CNTNAP2: variants seen among roughly 807,000 people sequenced by gnomAD.
The protein encoded by CNTNAP2 is contactin associated protein 2.
In CNTNAP2, 98 loss-of-function variants were observed where a neutral mutation model predicts 155.2. The observed-to-expected ratio is 0.63, with a 90% CI of 0.54 to 0.75. The LOEUF is 0.75. CNTNAP2 is among the 30% of genes least tolerant of loss of function. The probability of loss-of-function intolerance (pLI) is 0.00; values close to 1 mark genes in which losing one functional copy is unlikely to be tolerated. For synonymous variants in CNTNAP2, 651 were observed against 631.2 expected, an observed-to-expected ratio of 1.03 and a Z score of -0.47; for missense variants, 1,727 against 1,688.1, an observed-to-expected ratio of 1.02 and a Z score of -0.40.
chr7:147,545,842 ACC>A (rs1201558319), intron 11 of CNTNAP2, among the ~76,000 whole-genome samples: 1 of 152,156 alleles, frequency 6.6e-6, no homozygotes, highest in Non-Finnish European at 1.5e-5. Context: ...TTGTAGAGGG[ACC>A]CAGTGGGAAA....
At chr7:147,414,165 C>G (rs1210740977) in intron 10 of CNTNAP2, among the ~76,000 whole-genome samples, 1 of 152,118 alleles carries the variant, frequency 6.6e-6, no homozygotes, top group South Asian at 2.1e-4. Context: ...TGGCTCACAC[C>G]TGTAATCCCA....
chr7:146,628,273 T>C (rs187374997), intron 1 of CNTNAP2, among the ~76,000 whole-genome samples: 7 of 152,244 alleles, frequency 4.6e-5, no homozygotes, highest in Admixed American at 3.3e-4. Flanking sequence ...AGTATCAGAT[T>C]GTCCCAACAA....
intron 13 of CNTNAP2, among the ~76,000 whole-genome samples, chr7:147,642,571 A>AT (rs1387055828): frequency 6.6e-6 from 1 of 152,090 alleles, no homozygotes; most frequent in Non-Finnish European, 1.5e-5. Flanking sequence ...ATCAGGAAAA[A>AT]TGGGATAAAC....
chr7:146,651,395 C>T (rs1301556985), intron 1 of CNTNAP2, among the ~76,000 whole-genome samples: 2 of 152,066 alleles, frequency 1.3e-5, no homozygotes, highest in African/African-American at 4.8e-5. Flanking sequence ...ATTAGGACAA[C>T]CTAACTAAAA....
intron 1 of CNTNAP2, among the ~76,000 whole-genome samples, chr7:146,446,063 A>C (rs898727538): frequency 6.6e-6 from 1 of 152,174 alleles, no homozygotes; most frequent in Non-Finnish European, 1.5e-5. Flanking sequence ...AGAACCGTAG[A>C]TCATTCTTAC....
rs539456305 is a variant in CNTNAP2 at position 147,864,995 on chromosome 7, G to T, written c.2099-38570G>T. Among the ~76,000 whole-genome samples the T allele has an allele frequency of 6.6e-5, 10 of 152,260 alleles. No individual in the cohort carries two copies. The South Asian group carries it at 2.1e-3, about 32-fold the overall frequency. On this transcript the variant is annotated intron_variant, in intron 13 of 23. Transcript: ENST00000361727. ...AGGAGTGATGAGAGAAGACATCCTT[G>T]TCTTGTGCCAGTTTTCAAAGGGAAT...
Position 146,953,177 on chromosome 7 carries a change from T to C in CNTNAP2, c.403-90730T>C, listed in dbSNP as rs188774262. ...GATCTGAGTAATCAATAGCAGGTGA[T>C]GGAGAAAAAGAGCCATATAATAAGT... On this transcript the variant is annotated intron_variant, in intron 3 of 23. Transcript: ENST00000361727. Among the ~76,000 whole-genome samples the C allele has an allele frequency of 2.6e-3, 388 of 152,074 alleles. 2 individuals carry two copies. The highest frequency in any genetic ancestry group is 6.8e-3 in the Middle Eastern group (2 of 294).
At chr7:146,867,570 T>C (rs1795230366) in intron 3 of CNTNAP2, among the ~76,000 whole-genome samples, 1 of 152,018 alleles carries the variant, frequency 6.6e-6, no homozygotes. Context: ...GGCAGTTCTG[T>C]TTTTTAGCTC....
At chr7:146,869,446 G>A (rs1308541842) in intron 3 of CNTNAP2, among the ~76,000 whole-genome samples, 1 of 152,070 alleles carries the variant, frequency 6.6e-6, no homozygotes, top group Admixed American at 6.6e-5. Context: ...TCTCTAGAGG[G>A]ACAGAACTGA....
intron 13 of CNTNAP2, among the ~76,000 whole-genome samples, chr7:147,834,120 C>G (rs1410154629): frequency 6.6e-6 from 1 of 152,164 alleles, no homozygotes; most frequent in Admixed American, 6.6e-5. Flanking sequence ...CTATCATGTT[C>G]TTTTTCCCTA....
At chr7:146,119,706 A>G (rs1280234702) in intron 1 of CNTNAP2, among the ~76,000 whole-genome samples, 1 of 152,124 alleles carries the variant, frequency 6.6e-6, no homozygotes, top group Non-Finnish European at 1.5e-5. Flanking sequence ...AGTTAACTGA[A>G]TTTTCACTTA....
chr7:147,695,426 G>C (rs894082378), intron 13 of CNTNAP2, among the ~76,000 whole-genome samples: 1 of 152,184 alleles, frequency 6.6e-6, no homozygotes, highest in Non-Finnish European at 1.5e-5. Context: ...ATTTATGGAT[G>C]AAGGGTATCG....
chr7:147,950,587 A>G (rs888641014), intron 14 of CNTNAP2, among the ~76,000 whole-genome samples: 1 of 152,136 alleles, frequency 6.6e-6, no homozygotes, highest in Admixed American at 6.5e-5. Context: ...GAAGCTGCAC[A>G]AACACAAACA....
At chr7:147,606,080 C>T (rs1162685618) in intron 12 of CNTNAP2, among the ~76,000 whole-genome samples, 1 of 151,012 alleles carries the variant, frequency 6.6e-6, no homozygotes, top group Non-Finnish European at 1.5e-5. Context: ...CTAAGCTGTT[C>T]GTACAGTACA....
chr7:146,421,001 C>T (rs182118987), intron 1 of CNTNAP2, among the ~76,000 whole-genome samples: 4 of 151,944 alleles, frequency 2.6e-5, no homozygotes, highest in South Asian at 2.1e-4. Context: ...CAAAGATTTT[C>T]GGCATTTATA....
chr7:148,330,143 A>G (rs1797960591), intron 21 of CNTNAP2, among the ~76,000 whole-genome samples: 1 of 151,606 alleles, frequency 6.6e-6, no homozygotes, highest in South Asian at 2.1e-4. Flanking sequence ...GGTAGAATGG[A>G]TGGATGGAGT....
chr7:147,762,146 C>G (rs919966913), intron 13 of CNTNAP2, among the ~76,000 whole-genome samples: 8 of 136,046 alleles, frequency 5.9e-5, no homozygotes, highest in Admixed American at 2.2e-4. Flanking sequence ...CTCTCTCTCT[C>G]TCTCTGTCTC....
At chr7:146,408,569 A>G (rs2129110314) in intron 1 of CNTNAP2, among the ~76,000 whole-genome samples, 1 of 148,002 alleles carries the variant, frequency 6.8e-6, no homozygotes, top group South Asian at 2.2e-4. Flanking sequence ...TGGCAATTGA[A>G]CAATGAGAAC....
intron 1 of CNTNAP2, among the ~76,000 whole-genome samples, chr7:146,757,121 G>A (rs1187445612): frequency 6.6e-6 from 1 of 152,072 alleles, no homozygotes; most frequent in Admixed American, 6.6e-5. Context: ...AAGAACAAAT[G>A]CGATGACATA....
Sources: gnomAD v4.1 joint callset for allele counts (sites outside exome capture counted in the v4.1 genomes callset) on GRCh38, gnomAD v4.1.1 for gene constraint, MANE v1.5 for transcripts, NCBI Gene and HGNC (gene_info 2026-07-23, HGNC 2026-07-21) for gene names.